MSL2: variants seen among roughly 807,000 people sequenced by gnomAD.
MSL2 encodes E3 ubiquitin-protein ligase MSL2.
A neutral mutation model predicts 35.8 loss-of-function variants in MSL2; 2 were observed. The observed-to-expected ratio is 0.06, with a 90% CI of 0.02 to 0.18. MSL2 has a LOEUF of 0.18. Ranked by LOEUF, MSL2 falls within the 10% of genes least tolerant of loss-of-function variation. MSL2 has a pLI of 1.00. For missense variants in MSL2, 523 were observed against 706.7 expected, an observed-to-expected ratio of 0.74 and a Z score of 2.95; for synonymous variants, 296 against 255.7, an observed-to-expected ratio of 1.16 and a Z score of -1.50.
At chr3:136,159,932 T>C (rs1576358357) in intron 1 of MSL2, among the ~76,000 whole-genome samples, 1 of 151,840 alleles carries the variant, frequency 6.6e-6, no homozygotes, top group East Asian at 1.9e-4. Context: ...ATGGATTTTC[T>C]CAAAATTAAA....
chr3:136,174,669 A>G (rs895125589), intron 1 of MSL2, among the ~76,000 whole-genome samples: 3 of 152,200 alleles, frequency 2.0e-5, no homozygotes, highest in Non-Finnish European at 2.9e-5. Context: ...CCCTGCCTAA[A>G]TTCTCTACAC....
At chr3:136,191,416 C>T (rs1271144604) in intron 1 of MSL2, among the ~76,000 whole-genome samples, 1 of 149,456 alleles carries the variant, frequency 6.7e-6, no homozygotes, top group African/African-American at 2.5e-5. Context: ...TGCAGTGAGC[C>T]GAGATTGCGC....
intron 1 of MSL2, among the ~76,000 whole-genome samples, chr3:136,172,174 C>T (rs1455034963): frequency 6.6e-6 from 1 of 152,144 alleles, no homozygotes; most frequent in Non-Finnish European, 1.5e-5. Flanking sequence ...AATATTTCTA[C>T]TTATGTCAAT....
chr3:136,172,813 G>C (rs1397366521), intron 1 of MSL2, among the ~76,000 whole-genome samples: 1 of 152,082 alleles, frequency 6.6e-6, no homozygotes, highest in South Asian at 2.1e-4. Context: ...AGAATCTTAT[G>C]AGGATCATTA....
intron 1 of MSL2, among the ~76,000 whole-genome samples, chr3:136,189,981 T>G (rs1486889839): frequency 6.6e-6 from 1 of 151,970 alleles, no homozygotes; most frequent in African/African-American, 2.4e-5. Flanking sequence ...CTTGGGAGGC[T>G]GAGGTGGGAG....
chr3:136,149,168 GTACTC>G lies in MSL2; in HGVS notation c.*1974_*1978del, dbSNP rs1412332639. The G allele has an allele frequency of 2.7e-5, 4 of 148,866 alleles. No homozygotes were observed. Among genetic ancestry groups the G allele is most frequent in the Non-Finnish European group, 5.9e-5 (4 of 67,494 alleles). The allele number at this position is 148,866 out of a possible 1,614,324, so 9.2% of individuals were successfully genotyped here. ...ATTATCAAACTTGGGAAGCAATAAAGTACTCTATGAATTTTAAGATCATAATATTA... is the reference window on the plus strand; with the variant it reads ...ATTATCAAACTTGGGAAGCAATAAAGTATGAATTTTAAGATCATAATATTA... On this transcript the variant is annotated 3_prime_UTR_variant, in exon 2 of 2. Coordinates refer to ENST00000309993, the MANE Select transcript of MSL2 (RefSeq NM_018133.4).
At chr3:136,176,595 C>T (rs1194219157) in intron 1 of MSL2, among the ~76,000 whole-genome samples, 2 of 149,872 alleles carry the variant, frequency 1.3e-5, no homozygotes, top group African/African-American at 4.9e-5. Context: ...GAGGCTGAGG[C>T]AGGAGAATCA....
At chr3:136,190,135 T>G (rs1940644409) in intron 1 of MSL2, among the ~76,000 whole-genome samples, 1 of 152,166 alleles carries the variant, frequency 6.6e-6, no homozygotes, top group Non-Finnish European at 1.5e-5. Context: ...TGTTATAGCT[T>G]AAGTGCCTCT....
At chr3:136,153,029 T>A in intron 1 of MSL2, 1 of 985,402 alleles carries the variant, frequency 1.0e-6, no homozygotes, top group Non-Finnish European at 1.2e-6. Flanking sequence ...CTCCAAAGGC[T>A]ATAAAGTTAA....
Position 136,195,873 on chromosome 3 carries a change from G to T in MSL2, c.-760C>A. 1.0e-6 allele frequency: 1 copy of T among 967,804 alleles called. No homozygotes were observed. The highest frequency in any genetic ancestry group is 1.2e-6 in the Non-Finnish European group (1 of 814,998). 60.0% of individuals were successfully genotyped at this position (967,804 alleles called of 1,614,324 possible). A position where few individuals can be genotyped will look rare whatever the true frequency, so the allele number is the denominator to read the frequency against. ...CGGGCCGCCGCCGGCGGGCGGGAGG[G>T]GGCGGGGGGCAAGCCCGGCCGGGCC... On this transcript the variant is annotated 5_prime_UTR_variant, in exon 1 of 2. Coordinates refer to ENST00000309993, the MANE Select transcript of MSL2 (RefSeq NM_018133.4).
At chr3:136,185,228 A>G (rs1940484978) in intron 1 of MSL2, among the ~76,000 whole-genome samples, 1 of 151,548 alleles carries the variant, frequency 6.6e-6, no homozygotes, top group Admixed American at 6.6e-5. Flanking sequence ...CGCCAGCCCT[A>G]GCCTCCTGAA....
At position 136,180,074 on chromosome 3, in the gene MSL2, AT is replaced by A. The variant is rs1940296734; in HGVS notation, c.142+14897del. Among the ~76,000 whole-genome samples, 5 of 152,176 alleles carry A rather than the reference AT, an allele frequency of 3.3e-5. No individual in the cohort carries two copies. The South Asian group carries it at 1.0e-3, about 31-fold the overall frequency. ...AGCGAGACTCCGTCTCAAAAAAAAAATAAAAAATAAAAATAAAATGGCATGC... is the reference window on the plus strand; with the variant it reads ...AGCGAGACTCCGTCTCAAAAAAAAAAAAAAAATAAAAATAAAATGGCATGC... On this transcript the variant is annotated intron_variant, in intron 1 of 1. Transcript: ENST00000309993.
At chr3:136,187,386 G>A (rs1371343441) in intron 1 of MSL2, among the ~76,000 whole-genome samples, 1 of 152,138 alleles carries the variant, frequency 6.6e-6, no homozygotes, top group Non-Finnish European at 1.5e-5. Context: ...TATTTGGCCA[G>A]GCGCAGTGGC....
In MSL2 at chr3:136,180,790, G is replaced by GA. The variant is rs1245836354; in HGVS notation, c.142+14181dup. On this transcript the variant is annotated intron_variant, in intron 1 of 1. Coordinates refer to ENST00000309993, the MANE Select transcript of MSL2 (RefSeq NM_018133.4). ...GGAGGGAGGGAGGGAGGGAGGGAGGGAGGGAGGGAGGGAGGGAGGGAAGGA... is the reference window on the plus strand; with the variant it reads ...GGAGGGAGGGAGGGAGGGAGGGAGGGAAGGGAGGGAGGGAGGGAGGGAAGGA... Among the ~76,000 whole-genome samples the GA allele has an allele frequency of 5.7e-3, 381 of 67,016 alleles. 10 individuals are homozygous for GA. Among genetic ancestry groups the GA allele is most frequent in the South Asian group, 1.0e-2 (12 of 1,206 alleles). The allele number at this position is 67,016 out of a possible 152,430, so 44.0% of individuals were successfully genotyped here.
chr3:136,152,528 T>C lies in MSL2; in HGVS notation c.353A>G (p.Asp118Gly). 1.2e-6 allele frequency: 2 copies of C among 1,614,224 alleles called. No homozygotes were observed. The highest frequency in any genetic ancestry group is 1.7e-6 in the Non-Finnish European group (2 of 1,180,044). Residue 118 changes from aspartate (D) to glycine (G), a missense_variant, in exon 2 of 2, where the codon GAT (aspartate) becomes GGT (glycine). By Grantham distance (94) the Asp-to-Gly change is moderately conservative. Transcript: ENST00000309993. The part of the protein sequence containing the change: ...EYITQTTLAR[D>G]IIEAVDCSSD... ...AGAACAGTCAACTGCTTCTATTATA[T>C]CCCGTGCCAGTGTAGTCTGTGTTAT... is the stretch of plus-strand genomic sequence containing the variant.
At chr3:136,173,093 G>C (rs1940072594) in intron 1 of MSL2, among the ~76,000 whole-genome samples, 1 of 152,302 alleles carries the variant, frequency 6.6e-6, no homozygotes, top group Non-Finnish European at 1.5e-5. Context: ...AACCCAGAAA[G>C]CAGAGGTTGC....
chr3:136,182,632 C>G (rs769528135), intron 1 of MSL2, among the ~76,000 whole-genome samples: 2 of 151,456 alleles, frequency 1.3e-5, no homozygotes, highest in Non-Finnish European at 2.9e-5. Context: ...CAGAGCGAAG[C>G]ACAGAGATGA....
Position 136,195,781 on chromosome 3 carries a change from A to G in MSL2, c.-668T>C, listed in dbSNP as rs1167083888. 3.0e-6 allele frequency: 3 copies of G among 984,634 alleles called. No homozygotes were observed. Among genetic ancestry groups the G allele is most frequent in the Non-Finnish European group, 3.6e-6 (3 of 829,770 alleles). 61.0% of individuals were successfully genotyped at this position (984,634 alleles called of 1,614,324 possible). A position where few individuals can be genotyped will look rare whatever the true frequency, so the allele number is the denominator to read the frequency against. On this transcript the variant is annotated 5_prime_UTR_variant, in exon 1 of 2. Coordinates refer to ENST00000309993, the MANE Select transcript of MSL2 (RefSeq NM_018133.4). ...CTCCGCCCCGTGGGTTGCAGCCCGC[A>G]GTTCCCCGAGGTGGCGAGGCGGGCG...
chr3:136,188,897 A>G (rs931081315), intron 1 of MSL2, among the ~76,000 whole-genome samples: 2 of 151,842 alleles, frequency 1.3e-5, no homozygotes, highest in Admixed American at 6.6e-5. Context: ...TCAACTTATC[A>G]TAAGATGAAG....
Sources: gnomAD v4.1 joint callset for allele counts (sites outside exome capture counted in the v4.1 genomes callset) on GRCh38, gnomAD v4.1.1 for gene constraint, MANE v1.5 for transcripts, NCBI Gene and HGNC (gene_info 2026-07-23, HGNC 2026-07-21) for gene names.